Variants in HDAC9 observed in about 807,000 individuals in gnomAD.
HDAC9 encodes histone deacetylase 9, also known as MEF-2 interacting transcription repressor (MITR) protein.
A neutral mutation model predicts 139.4 loss-of-function variants in HDAC9; 41 were observed. That is an observed-to-expected ratio of 0.29 (90% CI 0.23 to 0.38). The LOEUF is 0.38. Ranked by LOEUF, HDAC9 falls within the 10% of genes least tolerant of loss-of-function variation. HDAC9 has a pLI of 1.00. For missense variants in HDAC9, 1,147 were observed against 1,297.0 expected, an observed-to-expected ratio of 0.88 and a Z score of 1.78; for synonymous variants, 517 against 476.2, an observed-to-expected ratio of 1.09 and a Z score of -1.12.
At chr7:18,316,633 C>A (rs1345787272) in intron 1 of HDAC9, among the ~76,000 whole-genome samples, 133 of 100,270 alleles carry the variant, frequency 1.3e-3, no homozygotes, top group Middle Eastern at 6.2e-3. Flanking sequence ...CAGATCTCTC[C>A]AAAAAAAAAA....
At position 18,727,639 on chromosome 7, in the gene HDAC9, G is replaced by A; in HGVS notation, c.1791G>A (p.Ala597=). ...CTGTGCGCCAAGCTCCGCTGGCTGC[G>A]GTTGGCATGGATGGATTAGAGAAAC... ...ALSVRQAPLA[A]VGMDGLEKHR... Residue 597 remains alanine, a synonymous_variant, in exon 13 of 26, where the codon GCG becomes GCA. Transcript: ENST00000686413. 6.3e-7 allele frequency: 1 copy of A among 1,590,012 alleles called. No individual in the cohort carries two copies. The highest frequency in any genetic ancestry group is 1.7e-4 in the Middle Eastern group (1 of 5,988).
chr7:18,266,879 C>T (rs1273093809), intron 2 of HDAC9, among the ~76,000 whole-genome samples: 1 of 152,026 alleles, frequency 6.6e-6, no homozygotes, highest in Admixed American at 6.6e-5. Flanking sequence ...AGAACTAGTG[C>T]TTTATTTATA....
intron 6 of HDAC9, among the ~76,000 whole-genome samples, chr7:18,613,833 T>C (rs1837841094): frequency 1.3e-5 from 2 of 152,132 alleles, no homozygotes; most frequent in African/African-American, 4.8e-5. Context: ...GCTTCCTTTT[T>C]CTCTGTGGCT....
At chr7:18,973,075 A>G (rs1204095836) in intron 24 of HDAC9, among the ~76,000 whole-genome samples, 1 of 152,228 alleles carries the variant, frequency 6.6e-6, no homozygotes, top group Non-Finnish European at 1.5e-5. Flanking sequence ...CTGAGTAAGG[A>G]TTTTAGCTCC....
intron 2 of HDAC9, among the ~76,000 whole-genome samples, chr7:18,224,533 CCTGCCACCCAGCGT>C (rs1410845789): frequency 1.3e-5 from 2 of 152,188 alleles, no homozygotes; most frequent in Admixed American, 1.3e-4. Context: ...TGTTCCCTGC[CCTGCCACCCAGCGT>C]GGGTGCTTGT....
At chr7:18,967,564 G>C (rs1041834243) in intron 24 of HDAC9, among the ~76,000 whole-genome samples, 2 of 145,168 alleles carry the variant, frequency 1.4e-5, no homozygotes, top group Non-Finnish European at 3.0e-5. Context: ...TTTGGTAAAA[G>C]TGTAACACTG....
chr7:18,436,048 G>C (rs567225892), intron 1 of HDAC9, among the ~76,000 whole-genome samples: 2 of 151,738 alleles, frequency 1.3e-5, no homozygotes, highest in African/African-American at 4.8e-5. Flanking sequence ...GAACTCCTGA[G>C]CTCAGGCAAT....
intron 1 of HDAC9, among the ~76,000 whole-genome samples, chr7:18,439,417 G>A: frequency 6.6e-6 from 1 of 152,100 alleles, no homozygotes; most frequent in East Asian, 1.9e-4. Context: ...ACCCTGTCTG[G>A]CTATCAGTCT....
intron 17 of HDAC9, among the ~76,000 whole-genome samples, chr7:18,804,447 T>A (rs1416503969): frequency 6.6e-6 from 1 of 152,066 alleles, no homozygotes; most frequent in African/African-American, 2.4e-5. Context: ...AAATGAAGGG[T>A]CTATTTCTAA....
chr7:18,152,839 T>C (rs1786885709), intron 1 of HDAC9, among the ~76,000 whole-genome samples: 1 of 152,192 alleles, frequency 6.6e-6, no homozygotes, highest in African/African-American at 2.4e-5. Flanking sequence ...TCAATACTAA[T>C]TATAGGGTGA....
At chr7:18,093,647 A>G (rs1782314524) in intron 1 of HDAC9, among the ~76,000 whole-genome samples, 1 of 152,178 alleles carries the variant, frequency 6.6e-6, no homozygotes, top group Non-Finnish European at 1.5e-5. Context: ...TCCTATATGT[A>G]GATTTCTACT....
chr7:18,975,688 T>C, intron 24 of HDAC9, 118 bp from the exon 25 acceptor site: 1 of 924,302 alleles, frequency 1.1e-6, no homozygotes, highest in East Asian at 2.6e-5. Context: ...AAATTACAAC[T>C]GTGTATAACA....
At chr7:18,676,407 C>G (rs1584817447) in intron 12 of HDAC9, among the ~76,000 whole-genome samples, 1 of 151,562 alleles carries the variant, frequency 6.6e-6, no homozygotes, top group Admixed American at 6.6e-5. Flanking sequence ...GGAAATCTTG[C>G]AATGATTTCT....
chr7:18,823,765 G>T (rs1795163617), intron 17 of HDAC9, among the ~76,000 whole-genome samples: 1 of 151,956 alleles, frequency 6.6e-6, no homozygotes, highest in African/African-American at 2.4e-5. Flanking sequence ...GATCACTTGA[G>T]CTCAGGAGTT....
chr7:18,189,854 A>C, intron 2 of HDAC9, among the ~76,000 whole-genome samples: 1 of 152,122 alleles, frequency 6.6e-6, no homozygotes, highest in East Asian at 1.9e-4. Flanking sequence ...TAAGAGCATG[A>C]GATATTTTTA....
chr7:18,306,890 C>T (rs1470676025), intron 1 of HDAC9, among the ~76,000 whole-genome samples: 1 of 152,070 alleles, frequency 6.6e-6, no homozygotes, highest in Non-Finnish European at 1.5e-5. Context: ...TTTCCATTCT[C>T]CATGTCTGTT....
chr7:18,976,395 G>A (rs188463459), intron 25 of HDAC9, among the ~76,000 whole-genome samples: 36 of 152,312 alleles, frequency 2.4e-4, no homozygotes, highest in African/African-American at 8.2e-4. Context: ...TAGACCGTTG[G>A]ATAGCCAAAA....
At chr7:18,271,095 A>G (rs977077266) in intron 2 of HDAC9, among the ~76,000 whole-genome samples, 4 of 152,208 alleles carry the variant, frequency 2.6e-5, no homozygotes, top group Non-Finnish European at 4.4e-5. Flanking sequence ...CTGTATTGCA[A>G]ACATTGCAGT....
chr7:18,885,155 G>T (rs73071792), intron 22 of HDAC9, among the ~76,000 whole-genome samples: 1,970 of 152,332 alleles, frequency 0.013, 28 homozygotes, highest in South Asian at 0.023. Context: ...CAATGTGGTC[G>T]TAAGGGTGAA....
Sources: gnomAD v4.1 joint callset for allele counts (sites outside exome capture counted in the v4.1 genomes callset) on GRCh38, gnomAD v4.1.1 for gene constraint, MANE v1.5 for transcripts, NCBI Gene and HGNC (gene_info 2026-07-23, HGNC 2026-07-21) for gene names.